Variants in LRRD1 observed in about 807,000 individuals in gnomAD.
LRRD1 encodes leucine-rich repeat and death domain-containing protein 1.
Under a neutral mutation model 69.5 loss-of-function variants are expected in LRRD1, and 49 were observed. The observed-to-expected ratio is 0.70, with a 90% confidence interval of 0.56 to 0.89. The LOEUF (loss-of-function observed/expected upper bound fraction) is 0.89. Ranked by LOEUF, LRRD1 falls within the 40% of genes least tolerant of loss-of-function variation. The probability of loss-of-function intolerance (pLI) is 0.00; values close to 1 mark genes in which losing one functional copy is unlikely to be tolerated. For missense variants in LRRD1, 853 were observed against 956.0 expected, an observed-to-expected ratio of 0.89 and a Z score of 1.42; for synonymous variants, 303 against 338.9, an observed-to-expected ratio of 0.89 and a Z score of 1.16.
chr7:92,150,451 T>G (rs1820437628), intron 4 of LRRD1, 83 bp downstream of exon 4: 22 of 1,234,448 alleles, frequency 1.8e-5, no homozygotes, highest in Non-Finnish European at 2.3e-5. Context: ...GGTGTCAGAG[T>G]GAGACCCTGT....
At chr7:92,143,428 TC>T (rs1395433824), downstream of LRRD1, among the ~76,000 whole-genome samples, 1 of 152,000 alleles carries the variant, frequency 6.6e-6, no homozygotes, top group East Asian at 1.9e-4. Context: ...GGGGCGGCAC[TC>T]GTCGGGGAGG....
At chr7:92,169,250 A>G (rs1284957543) in intron 1 of LRRD1, among the ~76,000 whole-genome samples, 1 of 152,162 alleles carries the variant, frequency 6.6e-6, no homozygotes, top group African/African-American at 2.4e-5. Context: ...ATCTCAAAAT[A>G]ACACACACAA....
chr7:92,163,338 C>T lies in LRRD1; in HGVS notation c.1865G>A (p.Cys622Tyr), dbSNP rs1284134816. 1 of 1,530,046 alleles carries T rather than the reference C, an allele frequency of 6.5e-7. No individual in the cohort carries two copies. The highest frequency in any genetic ancestry group is 8.8e-7 in the Non-Finnish European group (1 of 1,139,908). 94.8% of individuals were successfully genotyped at this position (1,530,046 alleles called of 1,614,324 possible). A position where few individuals can be genotyped will look rare whatever the true frequency, so the allele number is the denominator to read the frequency against. ...CAGCTGTTCCAGTGATTGAAGTTGGCACAGTTCAATAGGAAAATGTATAAA... is the reference window on the plus strand; with the variant it reads ...CAGCTGTTCCAGTGATTGAAGTTGGTACAGTTCAATAGGAAAATGTATAAA... ...NQFIHFPIEL[C>Y]QLQSLEQLNI... Residue 622 changes from cysteine to tyrosine, a missense_variant, in exon 2 of 6, where the codon TGC (cysteine) becomes TAC (tyrosine). By Grantham distance (194) the Cys-to-Tyr change is radical. Around this residue, in one of 3 missense-constraint regions of LRRD1, gnomAD observed 739 missense variants for 808.0 expected, o/e 0.91. Transcript: ENST00000458448.
chr7:92,156,255 T>A (rs1478338332), intron 3 of LRRD1, among the ~76,000 whole-genome samples: 1 of 152,266 alleles, frequency 6.6e-6, no homozygotes, highest in African/African-American at 2.4e-5. Flanking sequence ...TCATCCAACT[T>A]TGTTTTTCTT....
intron 5 of LRRD1, among the ~76,000 whole-genome samples, chr7:92,145,440 T>TG (rs1820295875): frequency 9.1e-5 from 12 of 132,568 alleles, no homozygotes; most frequent in Admixed American, 7.9e-4. Flanking sequence ...TACTATATGC[T>TG]TTTTTTTTTT....
Position 92,167,876 on chromosome 7 carries a change from C to CAAAAAAAAAAA in LRRD1, c.-74-2611_-74-2601dup, listed in dbSNP as rs542619786. Among the ~76,000 whole-genome samples, 64 of 46,200 alleles carry CAAAAAAAAAAA rather than the reference C, an allele frequency of 1.4e-3. 4 individuals carry two copies. Among genetic ancestry groups the CAAAAAAAAAAA allele is most frequent in the African/African-American group, 5.4e-3 (57 of 10,546 alleles). The allele number at this position is 46,200 out of a possible 152,430, so 30.3% of individuals were successfully genotyped here. A position where few individuals can be genotyped will look rare whatever the true frequency, so the allele number is the denominator to read the frequency against. On this transcript the variant is annotated intron_variant, in intron 1 of 5. Coordinates refer to ENST00000458448, the MANE Select transcript of LRRD1 (RefSeq NM_001161528.2). ...TGGGCAACACAGCGAGACTCTGTCT[C>CAAAAAAAAAAA]AAAAAAAAAAAAAAAAAAAAAAAAA...
At chr7:92,168,183 C>CCTTTCTCCAATCTGCCT (rs1234471755) in intron 1 of LRRD1, among the ~76,000 whole-genome samples, 2 of 152,054 alleles carry the variant, frequency 1.3e-5, no homozygotes, top group African/African-American at 2.4e-5. Flanking sequence ...CCAAGATGCC[C>CCTTTCTCCAATCTGCCT]CTTTCTCCAA....
At chr7:92,142,756 G>A (rs890254356), downstream of LRRD1, 3 of 441,786 alleles carry the variant, frequency 6.8e-6, no homozygotes, top group African/African-American at 6.1e-5. Flanking sequence ...AGCTCTTAAG[G>A]CGGCGCGTCT....
At chr7:92,165,575 AG>A (rs1453604544) in intron 1 of LRRD1, among the ~76,000 whole-genome samples, 1 of 152,048 alleles carries the variant, frequency 6.6e-6, no homozygotes, top group Non-Finnish European at 1.5e-5. Flanking sequence ...AAAACATAAA[AG>A]GGGGCCGGGT....
chr7:92,164,567 A>C lies in LRRD1; in HGVS notation c.636T>G (p.Asn212Lys). The C allele has an allele frequency of 6.4e-7, 1 of 1,551,140 alleles. No homozygotes were observed. The highest frequency in any genetic ancestry group is 2.4e-5 in the East Asian group (1 of 40,838). Reference protein sequence around the residue: ...SLPSEIQLLHNLRILNVSHNH... With the variant: ...SLPSEIQLLHKLRILNVSHNH... ...TATGACTGACATTTAATATCCTTAA[A>C]TTATGAAGTAACTGAATTTCAGATG... Residue 212 changes from asparagine to lysine, a missense_variant, in exon 2 of 6, where the codon AAT (asparagine) becomes AAG (lysine). This residue lies in a region of LRRD1 where 739 missense variants were observed against 808.0 expected (regional missense o/e 0.91). Coordinates refer to ENST00000458448, the MANE Select transcript of LRRD1 (RefSeq NM_001161528.2).
intron 3 of LRRD1, among the ~76,000 whole-genome samples, chr7:92,157,742 AT>A (rs767940401): frequency 0.023 from 3,292 of 143,542 alleles, 66 homozygotes; most frequent in African/African-American, 0.06. Flanking sequence ...CACCTGACTA[AT>A]TTTTTTTTTT....
intron 1 of LRRD1, among the ~76,000 whole-genome samples, chr7:92,165,682 A>G (rs1284569416): frequency 1.3e-5 from 2 of 151,912 alleles, no homozygotes; most frequent in African/African-American, 2.4e-5. Flanking sequence ...CTAACATGGC[A>G]AAACCCTGTC....
intron 3 of LRRD1, among the ~76,000 whole-genome samples, chr7:92,153,462 T>A (rs1190824976): frequency 6.6e-6 from 1 of 151,776 alleles, no homozygotes; most frequent in Non-Finnish European, 1.5e-5. Flanking sequence ...TAATTTTGTT[T>A]TTAGTTTTTT....
chr7:92,177,553 CAGATGACTCATGAGCTCAGCTCCTT>C (rs66886121), intron 1 of LRRD1, among the ~76,000 whole-genome samples: 3,462 of 152,260 alleles, frequency 0.023, 146 homozygotes, highest in African/African-American at 0.08. Context: ...AGAAGACAGG[CAGATGACTCATGAGCTCAGCTCCTT>C]CTGGGCTCTT....
chr7:92,176,686 C>T (rs901151386), intron 1 of LRRD1, among the ~76,000 whole-genome samples: 2 of 151,874 alleles, frequency 1.3e-5, no homozygotes, highest in Non-Finnish European at 2.9e-5. Context: ...GCCTCAGCCT[C>T]CTGAGTAGCT....
intron 3 of LRRD1, among the ~76,000 whole-genome samples, chr7:92,157,632 C>G (rs905517679): frequency 6.6e-6 from 1 of 151,834 alleles, no homozygotes; most frequent in African/African-American, 2.4e-5. Flanking sequence ...TGCAGTGGCA[C>G]AATCTCAGCT....
Position 92,164,138 on chromosome 7 carries a change from T to C in LRRD1, c.1065A>G (p.Gln355=). ...IFQLLKIKEL[Q]LADNKLEVIS... is the part of the protein sequence containing the mutation. ...TAACTTCCAATTTATTGTCGGCCAG[T>C]TGGAGTTCTTTTATTTTGAGTAACT... The change falls in exon 2 of 6, where the codon CAA becomes CAG. Residue 355 remains glutamine (Q), a synonymous_variant. Coordinates refer to ENST00000458448, the MANE Select transcript of LRRD1 (RefSeq NM_001161528.2). 2 of 1,549,860 alleles carry C rather than the reference T, an allele frequency of 1.3e-6. No individual in the cohort carries two copies. The highest frequency in any genetic ancestry group is 1.7e-6 in the Non-Finnish European group (2 of 1,146,422).
intron 1 of LRRD1, among the ~76,000 whole-genome samples, chr7:92,173,181 T>C (rs376492649): frequency 6.6e-6 from 1 of 152,166 alleles, no homozygotes; most frequent in Non-Finnish European, 1.5e-5. Flanking sequence ...TCTCACCATA[T>C]GCAAAAATCA....
intron 2 of LRRD1, among the ~76,000 whole-genome samples, chr7:92,162,540 G>A (rs1428385716): frequency 6.6e-6 from 1 of 152,062 alleles, no homozygotes; most frequent in Non-Finnish European, 1.5e-5. Flanking sequence ...TACTCCTAGA[G>A]TTTCAGTAAG....
Sources: allele counts gnomAD v4.1 joint callset (sites outside exome capture counted in the v4.1 genomes callset), GRCh38; gene constraint gnomAD v4.1.1; regional missense constraint gnomAD v4.1.1; transcripts MANE v1.5; gene names NCBI Gene and HGNC (gene_info 2026-07-23, HGNC 2026-07-21).